The following TSPAN15 variants were observed in gnomAD, a reference collection of about 807,000 sequenced individuals.
TSPAN15 encodes the protein tetraspanin 15.
A neutral mutation model predicts 34.5 loss-of-function variants in TSPAN15; 20 were observed. The ratio of observed to expected loss-of-function variants is 0.58; its 90% confidence interval spans 0.41 to 0.84. The LOEUF is 0.84. Among genes scored for constraint, TSPAN15 ranks in the 40% least tolerant of loss-of-function variants. The pLI is 0.00. For missense variants in TSPAN15, 313 were observed against 386.1 expected (o/e 0.81, Z 1.59); for synonymous variants, 155 against 153.9 (o/e 1.01, Z -0.05).
rs373137729 is a variant in TSPAN15 at position 69,454,377 on chromosome 10, G to C, written c.96+2687G>C. ...TACTAAAAATACAAAAATTAGCCAG[G>C]CGTGGTGGTGTGTGCCTGTAATCCC... On this transcript the variant is annotated intron_variant, in intron 1 of 7. Coordinates refer to ENST00000373290, the MANE Select transcript of TSPAN15 (RefSeq NM_012339.5). Among the ~76,000 whole-genome samples the C allele has an allele frequency of 2.0e-5, 3 of 152,168 alleles. No individual in the cohort carries two copies. The South Asian group carries it at 6.2e-4, about 32-fold the overall frequency.
At chr10:69,502,000 G>C (rs1029391094) in intron 5 of TSPAN15, among the ~76,000 whole-genome samples, 2 of 151,726 alleles carry the variant, frequency 1.3e-5, no homozygotes, top group Non-Finnish European at 2.9e-5. Context: ...CCATCCTGTG[G>C]AAAAATTATT....
intron 1 of TSPAN15, among the ~76,000 whole-genome samples, chr10:69,470,784 C>T (rs1841488467): frequency 1.3e-5 from 2 of 152,176 alleles, no homozygotes; most frequent in South Asian, 4.1e-4. Context: ...CTTTCAGTGC[C>T]TCCCATCCAC....
chr10:69,497,137 G>C (rs1842102508), intron 4 of TSPAN15, among the ~76,000 whole-genome samples: 3 of 152,162 alleles, frequency 2.0e-5, no homozygotes, highest in African/African-American at 7.2e-5. Context: ...CTGAGGATTT[G>C]ACCTTGGGTC....
chr10:69,454,944 C>T (rs192937052), intron 1 of TSPAN15, among the ~76,000 whole-genome samples: 2,149 of 152,072 alleles, frequency 0.014, 58 homozygotes, highest in Non-Finnish European at 0.02. Flanking sequence ...GCGGGCGGAT[C>T]GTGAGGTTAA....
chr10:69,483,725 A>T lies in TSPAN15; in HGVS notation c.131A>T (p.Tyr44Phe). ...IGALVLSVGI[Y>F]AEVERQKYKT... ...GCCCTGGTCCTGTCTGTGGGCATCT[A>T]TGCAGAGGTTGAGCGGCAGAAATAT... is the stretch of plus-strand genomic sequence containing the variant. The change falls in exon 2 of 8, where the codon TAT (tyrosine) becomes TTT (phenylalanine). Residue 44 changes from tyrosine to phenylalanine, a missense_variant. Transcript: ENST00000373290. The T allele has an allele frequency of 1.2e-6, 2 of 1,614,064 alleles. No homozygotes were observed. The highest frequency in any genetic ancestry group is 1.7e-5 in the Admixed American group (1 of 60,022).
At chr10:69,452,517 A>G (rs1412095614) in intron 1 of TSPAN15, among the ~76,000 whole-genome samples, 1 of 152,176 alleles carries the variant, frequency 6.6e-6, no homozygotes, top group African/African-American at 2.4e-5. Flanking sequence ...TGGACACAGT[A>G]ATTATATTCA....
intron 6 of TSPAN15, among the ~76,000 whole-genome samples, chr10:69,505,567 CTTT>C (rs202092249): frequency 3.5e-5 from 5 of 143,322 alleles, no homozygotes; most frequent in African/African-American, 5.1e-5. Flanking sequence ...TGCAGAAATG[CTTT>C]TTTTTTTTTT....
At chr10:69,518,220 C>T in the TSPAN15 span, among the ~76,000 whole-genome samples, 1 of 152,120 alleles carries the variant, frequency 6.6e-6, no homozygotes, top group Non-Finnish European at 1.5e-5. Flanking sequence ...AAATCAAATG[C>T]AAGATATCAA....
At chr10:69,491,408 G>C (rs1441957815) in intron 3 of TSPAN15, among the ~76,000 whole-genome samples, 1 of 152,204 alleles carries the variant, frequency 6.6e-6, no homozygotes, top group African/African-American at 2.4e-5. Flanking sequence ...CTGTCACCCA[G>C]GCCGGAGTGC....
At chr10:69,508,311 C>A (rs998052165), downstream of TSPAN15, among the ~76,000 whole-genome samples, 1 of 151,478 alleles carries the variant, frequency 6.6e-6, no homozygotes, top group African/African-American at 2.4e-5. Flanking sequence ...CATGGTGGTG[C>A]GCGCCTGTAG....
chr10:69,523,535 C>T, the TSPAN15 span: 1 of 447,382 alleles, frequency 2.2e-6, no homozygotes, highest in South Asian at 2.0e-5. Flanking sequence ...TCAAAGAGCT[C>T]CTTCCCAGAG....
At chr10:69,496,732 G>A (rs1308347750) in intron 4 of TSPAN15, among the ~76,000 whole-genome samples, 1 of 152,152 alleles carries the variant, frequency 6.6e-6, no homozygotes, top group East Asian at 1.9e-4. Flanking sequence ...CCACATGCAG[G>A]GCCACTTGCT....
At chr10:69,466,165 A>T (rs1841379896) in intron 1 of TSPAN15, among the ~76,000 whole-genome samples, 1 of 152,134 alleles carries the variant, frequency 6.6e-6, no homozygotes. Flanking sequence ...TTTAATTTTT[A>T]TTTTTTTGGA....
the TSPAN15 span, among the ~76,000 whole-genome samples, chr10:69,513,004 C>T: frequency 3.9e-5 from 6 of 152,164 alleles, no homozygotes; most frequent in African/African-American, 1.4e-4. Context: ...TTTTAAGAAA[C>T]TGCCAAACTA....
chr10:69,458,022 A>G (rs1167328657), intron 1 of TSPAN15, among the ~76,000 whole-genome samples: 1 of 152,240 alleles, frequency 6.6e-6, no homozygotes, highest in East Asian at 1.9e-4. Flanking sequence ...AAGAGAAGTG[A>G]GTTGCCTGAA....
At chr10:69,509,232 C>T (rs1842390917), downstream of TSPAN15, among the ~76,000 whole-genome samples, 1 of 152,174 alleles carries the variant, frequency 6.6e-6, no homozygotes, top group African/African-American at 2.4e-5. Flanking sequence ...ACAGACACCC[C>T]TCTACCTCAC....
rs185628299 is a variant in TSPAN15, at chr10:69,457,123, C to T, written c.96+5433C>T. 3.3e-3 allele frequency among the ~76,000 whole-genome samples: 502 copies of T among 152,354 alleles called. 6 individuals are homozygous for T. Among genetic ancestry groups the T allele is most frequent in the African/African-American group, 0.011 (478 of 41,578 alleles). On this transcript the variant is annotated intron_variant, in intron 1 of 7. Coordinates refer to ENST00000373290, the MANE Select transcript of TSPAN15 (RefSeq NM_012339.5). ...ACACACCTCTAATTTTAGCACTGCC[C>T]ACGGGGTATCTTAGAGATCCGTTTA...
At chr10:69,483,956 G>A in intron 2 of TSPAN15, 80 bp downstream of exon 2, 7 of 1,475,944 alleles carry the variant, frequency 4.7e-6, no homozygotes, top group African/African-American at 1.4e-5. Context: ...GGGCAGCTCA[G>A]TTTCTTTTGT....
chr10:69,549,432 T>TCCACCATCTTGTCTTA, the TSPAN15 span, among the ~76,000 whole-genome samples: 1 of 152,192 alleles, frequency 6.6e-6, no homozygotes, highest in Non-Finnish European at 1.5e-5. Context: ...GGTGTGGGGA[T>TCCACCATCTTGTCTTA]CCACCATCTT....
Sources: gnomAD v4.1 joint callset for allele counts (sites outside exome capture counted in the v4.1 genomes callset) on GRCh38, gnomAD v4.1.1 for gene constraint, MANE v1.5 for transcripts, NCBI Gene and HGNC (gene_info 2026-07-23, HGNC 2026-07-21) for gene names.